DPP6: variants seen among roughly 807,000 people sequenced by gnomAD.
DPP6 encodes the protein A-type potassium channel modulatory protein DPP6.
A neutral mutation model predicts 122.6 loss-of-function variants in DPP6; 69 were observed. The observed-to-expected ratio is 0.56, with a 90% CI of 0.46 to 0.69. DPP6 has a LOEUF of 0.69. Among genes scored for constraint, DPP6 ranks in the 30% least tolerant of loss-of-function variants. The pLI is 0.00. For synonymous variants in DPP6, 418 were observed against 433.1 expected (o/e 0.97, Z 0.43); for missense variants, 928 against 1,116.9 (o/e 0.83, Z 2.41).
At chr7:153,761,072 C>T in the DPP6 span, among the ~76,000 whole-genome samples, 6 of 152,112 alleles carry the variant, frequency 3.9e-5, no homozygotes, top group East Asian at 1.9e-4. Context: ...GCAGTAAGCT[C>T]GGGATAAATG....
chr7:154,187,986 C>G (rs767158554), intron 1 of DPP6, among the ~76,000 whole-genome samples: 1 of 152,150 alleles, frequency 6.6e-6, no homozygotes, highest in South Asian at 2.1e-4. Flanking sequence ...ACAGTAGAAC[C>G]GTCTGAAGGT....
intron 1 of DPP6, among the ~76,000 whole-genome samples, chr7:154,217,820 C>T (rs1800088253): frequency 6.6e-6 from 1 of 152,090 alleles, no homozygotes; most frequent in African/African-American, 2.4e-5. Flanking sequence ...CTGCTGTGAC[C>T]ACCCAGGAGG....
At chr7:154,212,122 G>A (rs1799775262) in intron 1 of DPP6, among the ~76,000 whole-genome samples, 1 of 152,076 alleles carries the variant, frequency 6.6e-6, no homozygotes, top group Non-Finnish European at 1.5e-5. Flanking sequence ...GGACAATCGA[G>A]TATGAAACTG....
the DPP6 span, among the ~76,000 whole-genome samples, chr7:153,850,198 G>T: frequency 8.5e-5 from 13 of 152,182 alleles, no homozygotes; most frequent in Admixed American, 2.0e-4. Flanking sequence ...TCACAAGGCT[G>T]CAATCAAGAT....
intron 1 of DPP6, among the ~76,000 whole-genome samples, chr7:154,132,551 C>G (rs1795340674): frequency 6.6e-6 from 1 of 152,174 alleles, no homozygotes; most frequent in Admixed American, 6.5e-5. Flanking sequence ...CTCCTCACTT[C>G]CCATGACGAC....
the DPP6 span, among the ~76,000 whole-genome samples, chr7:153,839,179 C>G: frequency 1.3e-5 from 2 of 152,158 alleles, no homozygotes; most frequent in Admixed American, 1.3e-4. Flanking sequence ...TTCTGTTTTC[C>G]CCCATTGGAA....
intron 1 of DPP6, among the ~76,000 whole-genome samples, chr7:153,978,253 G>A (rs1780319217): frequency 6.6e-6 from 1 of 152,208 alleles, no homozygotes; most frequent in African/African-American, 2.4e-5. Context: ...ATTTTAACTG[G>A]TGTGAGATGG....
intron 1 of DPP6, among the ~76,000 whole-genome samples, chr7:154,035,413 T>C (rs991329805): frequency 2.0e-5 from 3 of 152,266 alleles, no homozygotes; most frequent in African/African-American, 7.2e-5. Context: ...TAAATCATTC[T>C]ATTCATTAGA....
the DPP6 span, among the ~76,000 whole-genome samples, chr7:153,868,521 A>G: frequency 6.6e-6 from 1 of 151,650 alleles, no homozygotes; most frequent in Non-Finnish European, 1.5e-5. Context: ...TTTTTATTGC[A>G]TCTATTTGAT....
At chr7:154,335,104 G>A (rs949618932) in intron 1 of DPP6, among the ~76,000 whole-genome samples, 1 of 152,156 alleles carries the variant, frequency 6.6e-6, no homozygotes, top group Admixed American at 6.5e-5. Context: ...TGACCCATAA[G>A]GGAGGGGTGA....
intron 1 of DPP6, among the ~76,000 whole-genome samples, chr7:153,932,287 A>G (rs956931048): frequency 1.8e-4 from 28 of 151,906 alleles, no homozygotes; most frequent in African/African-American, 5.8e-4. Flanking sequence ...CGCCTGGCTA[A>G]TTTTTGTATT....
intron 6 of DPP6, among the ~76,000 whole-genome samples, chr7:154,639,668 G>T (rs1217012686): frequency 1.3e-5 from 2 of 152,168 alleles, no homozygotes; most frequent in East Asian, 1.9e-4. Context: ...ATGATAGTCT[G>T]TGTTGAAGGC....
chr7:154,303,483 C>T (rs1285797789), intron 1 of DPP6, among the ~76,000 whole-genome samples: 2 of 152,102 alleles, frequency 1.3e-5, no homozygotes, highest in African/African-American at 4.8e-5. Flanking sequence ...TAGGAAGACC[C>T]TCTAAGGCCG....
At chr7:153,765,838 C>A in the DPP6 span, among the ~76,000 whole-genome samples, 2 of 152,152 alleles carry the variant, frequency 1.3e-5, no homozygotes, top group African/African-American at 2.4e-5. Context: ...AAAGAGGGAA[C>A]CCTTGAATGA....
At chr7:154,203,351 A>G (rs1315722256) in intron 1 of DPP6, among the ~76,000 whole-genome samples, 1 of 152,124 alleles carries the variant, frequency 6.6e-6, no homozygotes, top group Non-Finnish European at 1.5e-5. Context: ...TGAATTTTCC[A>G]GTATCCTCTA....
At chr7:153,874,418 C>T in the DPP6 span, among the ~76,000 whole-genome samples, 1 of 152,146 alleles carries the variant, frequency 6.6e-6, no homozygotes, top group South Asian at 2.1e-4. Context: ...CTCTGTGGCC[C>T]AGGCTGGAGT....
chr7:153,878,846 G>A, the DPP6 span, among the ~76,000 whole-genome samples: 2 of 151,828 alleles, frequency 1.3e-5, no homozygotes, highest in African/African-American at 4.8e-5. Flanking sequence ...AAAGAAAATA[G>A]CACGAAAAAA....
At chr7:154,244,273 C>T (rs1801831937) in intron 1 of DPP6, among the ~76,000 whole-genome samples, 1 of 152,012 alleles carries the variant, frequency 6.6e-6, no homozygotes, top group Admixed American at 6.6e-5. Flanking sequence ...AATCTATTGA[C>T]CCTAAATTTT....
chr7:154,498,525 A>T (rs995783897), intron 3 of DPP6, among the ~76,000 whole-genome samples: 1 of 152,026 alleles, frequency 6.6e-6, no homozygotes, highest in Non-Finnish European at 1.5e-5. Flanking sequence ...TTTAGTAGAG[A>T]TGGGGTTTCA....
Sources: allele counts gnomAD v4.1 joint callset (sites outside exome capture counted in the v4.1 genomes callset), GRCh38; gene constraint gnomAD v4.1.1; transcripts MANE v1.5; gene names NCBI Gene and HGNC (gene_info 2026-07-23, HGNC 2026-07-21).